GIT2: variants seen among roughly 807,000 people sequenced by gnomAD.
The protein encoded by GIT2 is ARF GTPase-activating protein GIT2.
In GIT2, 32 loss-of-function variants were observed where a neutral mutation model predicts 100.3. That is an observed-to-expected ratio of 0.32 (90% CI 0.24 to 0.43). The LOEUF (loss-of-function observed/expected upper bound fraction) is 0.43. Among genes scored for constraint, GIT2 ranks in the 20% least tolerant of loss-of-function variants. GIT2 has a pLI of 1.00. For synonymous variants in GIT2, 353 were observed against 364.1 expected, an observed-to-expected ratio of 0.97 and a Z score of 0.35; for missense variants, 737 against 975.1, an observed-to-expected ratio of 0.76 and a Z score of 3.25.
chr12:109,980,185 C>T (rs1226243586), intron 7 of GIT2, among the ~76,000 whole-genome samples: 2 of 151,972 alleles, frequency 1.3e-5, no homozygotes, highest in Non-Finnish European at 2.9e-5. Flanking sequence ...GTCCCAGTCT[C>T]CCAAGTACGT....
chr12:109,966,602 C>A (rs1252939990), intron 8 of GIT2, among the ~76,000 whole-genome samples: 3 of 151,090 alleles, frequency 2.0e-5, no homozygotes, highest in African/African-American at 7.3e-5. Context: ...GCTTGAGTCC[C>A]GGAGTTTGCA....
At chr12:109,981,283 T>G (rs1886269769) in intron 6 of GIT2, 1 of 417,270 alleles carries the variant, frequency 2.4e-6, no homozygotes, top group Non-Finnish European at 4.3e-6. Flanking sequence ...GAATATTTAA[T>G]AAGAAATTCA....
chr12:109,986,800 C>G (rs981798605), intron 4 of GIT2, among the ~76,000 whole-genome samples: 1 of 149,916 alleles, frequency 6.7e-6, no homozygotes. Flanking sequence ...CAAAAAAAAA[C>G]CAAAAGATTA....
At chr12:109,937,622 A>C (rs1204400105) in intron 18 of GIT2, among the ~76,000 whole-genome samples, 1 of 152,210 alleles carries the variant, frequency 6.6e-6, no homozygotes, top group Non-Finnish European at 1.5e-5. Flanking sequence ...CCTCAGGGTA[A>C]GAATTAACCA....
rs375266273 is a variant in GIT2 at position 109,938,346 on chromosome 12, G to C, written c.2003+34C>G. On this transcript the variant is annotated intron_variant, in intron 18 of 19. Transcript: ENST00000355312. ...ATCCCTTTCTGGGCGCATAACTCATGCTCTCCCAAAGCAGGGTCTTCAATC... is the reference window on the plus strand; with the variant it reads ...ATCCCTTTCTGGGCGCATAACTCATCCTCTCCCAAAGCAGGGTCTTCAATC... The C allele has an allele frequency of 4.6e-6, 7 of 1,519,498 alleles. No individual in the cohort carries two copies. The African/African-American group carries it at 8.2e-5, about 18-fold the overall frequency. The allele number at this position is 1,519,498 out of a possible 1,614,324, so 94.1% of individuals were successfully genotyped here.
chr12:109,995,819 C>T (rs1307573959), intron 1 of GIT2, among the ~76,000 whole-genome samples: 1 of 152,232 alleles, frequency 6.6e-6, no homozygotes, highest in Non-Finnish European at 1.5e-5. Flanking sequence ...CCTCTGGAGG[C>T]TGCAGCCGGG....
Position 109,953,132 on chromosome 12 carries a change from G to A in GIT2, c.1202C>T (p.Thr401Ile). Residue 401 changes from threonine (T) to isoleucine (I), a missense_variant, in exon 13 of 20, where the codon ACA becomes ATA. Thr to Ile is a moderately conservative substitution (Grantham distance 89). Transcript: ENST00000355312. ...TTTGCTTGCAGTGGTTTCCAAATCTGTGTCTTCGTCTGATGCCACGCTGTC... is the reference window on the plus strand; with the variant it reads ...TTTGCTTGCAGTGGTTTCCAAATCTATGTCTTCGTCTGATGCCACGCTGTC... ...DYDSVASDED[T>I]DLETTASKTN... 6.2e-7 allele frequency: 1 copy of A among 1,614,128 alleles called. No homozygotes were observed. The highest frequency in any genetic ancestry group is 8.5e-7 in the Non-Finnish European group (1 of 1,180,020).
chr12:109,932,944 C>G lies in GIT2; in HGVS notation c.*34G>C, dbSNP rs1382518160. On this transcript the variant is annotated 3_prime_UTR_variant, in exon 20 of 20. Coordinates refer to ENST00000355312, the MANE Select transcript of GIT2 (RefSeq NM_057169.5). Reference sequence around the variant, plus strand: ...GAATTTGAAATTGGACTTTATAAAGCCTAGAAAACAGAGGAGGCGGTGCCC... The same window carrying G: ...GAATTTGAAATTGGACTTTATAAAGGCTAGAAAACAGAGGAGGCGGTGCCC... 8.3e-7 allele frequency: 1 copy of G among 1,198,978 alleles called. No individual in the cohort carries two copies. The highest frequency in any genetic ancestry group is 2.3e-5 in the East Asian group (1 of 42,826). 74.3% of individuals were successfully genotyped at this position (1,198,978 alleles called of 1,614,324 possible).
intron 13 of GIT2, 126 bp from the exon 14 acceptor site, chr12:109,951,442 C>T: frequency 1.4e-6 from 1 of 712,742 alleles, no homozygotes; most frequent in African/African-American, 1.8e-5. Flanking sequence ...AAATCAAGGC[C>T]TCTGAGAGTA....
At chr12:109,967,600 T>C in intron 7 of GIT2, 97 bp from the exon 8 acceptor site, 1 of 871,456 alleles carries the variant, frequency 1.1e-6, no homozygotes, top group Non-Finnish European at 1.9e-6. Flanking sequence ...GTTTTGCGAT[T>C]AGTATTTGTG....
chr12:109,996,566 G>T (rs1889471051), upstream of GIT2, among the ~76,000 whole-genome samples: 1 of 152,232 alleles, frequency 6.6e-6, no homozygotes. Flanking sequence ...AGGGGAAGTA[G>T]CAATATCTTG....
At chr12:109,963,226 CCT>C (rs1271682480) in intron 9 of GIT2, among the ~76,000 whole-genome samples, 1 of 152,106 alleles carries the variant, frequency 6.6e-6, no homozygotes, top group Non-Finnish European at 1.5e-5. Context: ...AGGATGGTCC[CCT>C]TTCTCTATTT....
chr12:109,983,412 G>A lies in GIT2; in HGVS notation c.584C>T (p.Thr195Ile). 1 of 1,613,906 alleles carries A rather than the reference G, an allele frequency of 6.2e-7. No homozygotes were observed. Among genetic ancestry groups the A allele is most frequent in the African/African-American group, 1.3e-5 (1 of 75,044 alleles). Residue 195 changes from threonine to isoleucine, a missense_variant, in exon 6 of 20, where the codon ACA becomes ATA. This residue lies in a region of GIT2 where 266 missense variants were observed against 376.2 expected (regional missense o/e 0.71). Coordinates refer to ENST00000355312, the MANE Select transcript of GIT2 (RefSeq NM_057169.5). ...GGGAGTTTTCCCACTAGAATCCTGT[G>A]TGCCTGGGTCTGCTCCATATACTGC... ...LLAVYGADPG[T>I]QDSSGKTPVD...
rs376706197 is a variant in GIT2, at chr12:109,967,516, C to T, written c.719-13G>A. ...CCATTTTTGTGATCTGAAACAGAAACCAAGTCAAAGTTTTGTTCATAGAAA... is the reference window on the plus strand; with the variant it reads ...CCATTTTTGTGATCTGAAACAGAAATCAAGTCAAAGTTTTGTTCATAGAAA... On this transcript the variant is annotated splice_polypyrimidine_tract_variant and intron_variant, in intron 7 of 19. Transcript: ENST00000355312. 6.4e-6 allele frequency: 10 copies of T among 1,572,850 alleles called. No individual in the cohort carries two copies. Among genetic ancestry groups the T allele is most frequent in the African/African-American group, 1.4e-5 (1 of 74,058 alleles).
intron 4 of GIT2, among the ~76,000 whole-genome samples, chr12:109,984,786 A>C (rs561080360): frequency 1.3e-5 from 2 of 152,270 alleles, no homozygotes; most frequent in East Asian, 3.9e-4. Context: ...TGATATAATA[A>C]AGTGCTCAAA....
intron 7 of GIT2, among the ~76,000 whole-genome samples, chr12:109,976,123 A>ACACACACACAAAC (rs1555232729): frequency 2.1e-4 from 27 of 130,968 alleles, no homozygotes; most frequent in East Asian, 6.0e-4. Flanking sequence ...CACACACACA[A>ACACACACACAAAC]ACACACACAC....
At chr12:109,977,820 T>C (rs1565999038) in intron 7 of GIT2, among the ~76,000 whole-genome samples, 1 of 151,030 alleles carries the variant, frequency 6.6e-6, no homozygotes, top group East Asian at 1.9e-4. Context: ...ATACTCCATC[T>C]CAAACAAACA....
chr12:109,977,599 G>A lies in GIT2; in HGVS notation c.718+3353C>T, dbSNP rs57652093. ...AGCCCTTTGGGAAGCCGAGGTGGGC[G>A]GATCACGAGGTCGGGAGTTCGAGAC... On this transcript the variant is annotated intron_variant, in intron 7 of 19. Transcript: ENST00000355312. Among the ~76,000 whole-genome samples the A allele has an allele frequency of 4.9e-3, 737 of 151,552 alleles. 4 individuals are homozygous for A. Among genetic ancestry groups the A allele is most frequent in the African/African-American group, 0.016 (658 of 41,308 alleles).
In GIT2 at chr12:109,968,157, TCC is replaced by T. The variant is rs1333097908; in HGVS notation, c.719-656_719-655del. ...CTTGGTAAGAAACTGCCAGACCTTT[TCC>T]CTTGAGTAGCGCTATCACTTTGTTT... On this transcript the variant is annotated intron_variant, in intron 7 of 19. Transcript: ENST00000355312. 6.0e-4 allele frequency among the ~76,000 whole-genome samples: 91 copies of T among 152,348 alleles called. No homozygotes were observed. The South Asian group carries it at 0.012, about 20-fold the overall frequency.
Sources: gnomAD v4.1 joint callset for allele counts (sites outside exome capture counted in the v4.1 genomes callset) on GRCh38, gnomAD v4.1.1 for gene constraint, gnomAD v4.1.1 regional missense constraint, MANE v1.5 for transcripts, NCBI Gene and HGNC (gene_info 2026-07-23, HGNC 2026-07-21) for gene names.